The following SLC38A12 variants were observed in gnomAD, a reference collection of about 807,000 sequenced individuals.
SLC38A12 encodes putative sodium-coupled neutral amino acid transporter 12.
the SLC38A12 span, among the ~76,000 whole-genome samples, chr17:74,808,209 C>T: frequency 4.6e-5 from 7 of 152,316 alleles, no homozygotes; most frequent in African/African-American, 4.8e-5. Flanking sequence ...GCCCTGAAGG[C>T]GCCAGCCTTG....
the SLC38A12 span, among the ~76,000 whole-genome samples, chr17:74,823,432 A>G: frequency 3.2e-4 from 48 of 152,364 alleles, no homozygotes; most frequent in South Asian, 6.2e-4. Flanking sequence ...CTCTGCCCTC[A>G]TTCCCTTTAG....
chr17:74,822,094 G>A, the SLC38A12 span, among the ~76,000 whole-genome samples: 11 of 152,188 alleles, frequency 7.2e-5, no homozygotes, highest in Admixed American at 2.6e-4. Flanking sequence ...TTTGTTGAAA[G>A]GGAAAAGATT....
the SLC38A12 span, among the ~76,000 whole-genome samples, chr17:74,794,579 C>A: frequency 6.6e-6 from 1 of 152,180 alleles, no homozygotes; most frequent in African/African-American, 2.4e-5. Context: ...TTTGCTTCAA[C>A]TCTTTAGTAG....
the SLC38A12 span, among the ~76,000 whole-genome samples, chr17:74,823,832 C>T: frequency 9.8e-5 from 15 of 152,382 alleles, no homozygotes; most frequent in African/African-American, 2.6e-4. Context: ...TTGTTCCCCC[C>T]GTGTGGGACA....
the SLC38A12 span, among the ~76,000 whole-genome samples, chr17:74,816,001 T>C: frequency 6.6e-6 from 1 of 152,216 alleles, no homozygotes; most frequent in Non-Finnish European, 1.5e-5. Flanking sequence ...GCAGGGTCCC[T>C]TCCCCACATC....
the SLC38A12 span, chr17:74,835,986 C>A: frequency 6.2e-7 from 1 of 1,611,798 alleles, no homozygotes; most frequent in African/African-American, 1.3e-5. Context: ...AGGGGAGGGG[C>A]ACCCGCCCCT....
chr17:74,838,915 A>G, the SLC38A12 span: 2 of 1,535,760 alleles, frequency 1.3e-6, no homozygotes, highest in South Asian at 2.4e-5. Context: ...TGATGGGAAG[A>G]GCAGAAGAGG....
the SLC38A12 span, chr17:74,790,121 C>T: frequency 8.3e-7 from 1 of 1,197,972 alleles, no homozygotes. Flanking sequence ...ACCTGGCTAA[C>T]ATTCTGTACT....
At chr17:74,787,628 CAAA>C in the SLC38A12 span, among the ~76,000 whole-genome samples, 17 of 129,302 alleles carry the variant, frequency 1.3e-4, no homozygotes, top group African/African-American at 2.0e-4. Context: ...GACTCCGTCT[CAAA>C]AAAAAAAAAA....
At chr17:74,801,967 C>T in the SLC38A12 span, among the ~76,000 whole-genome samples, 1 of 152,118 alleles carries the variant, frequency 6.6e-6, no homozygotes, top group Non-Finnish European at 1.5e-5. Context: ...CCAGGGACAG[C>T]GTGAACCCCC....
the SLC38A12 span, chr17:74,835,786 C>G: frequency 8.2e-6 from 12 of 1,467,360 alleles, no homozygotes; most frequent in Non-Finnish European, 9.0e-6. Flanking sequence ...TTGAGCCACC[C>G]AAGAACAGGG....
chr17:74,785,042 C>T, the SLC38A12 span, among the ~76,000 whole-genome samples: 2 of 152,038 alleles, frequency 1.3e-5, no homozygotes, highest in Non-Finnish European at 2.9e-5. Flanking sequence ...AGGACAATGG[C>T]GAGGACCTTG....
the SLC38A12 span, among the ~76,000 whole-genome samples, chr17:74,794,356 A>G: frequency 6.6e-6 from 1 of 152,200 alleles, no homozygotes; most frequent in African/African-American, 2.4e-5. Context: ...TGTCAGTATC[A>G]CACACCATCC....
At chr17:74,830,861 G>A in the SLC38A12 span, among the ~76,000 whole-genome samples, 4 of 152,202 alleles carry the variant, frequency 2.6e-5, no homozygotes, top group African/African-American at 7.2e-5. Flanking sequence ...TGTGGCCCAG[G>A]TGAATCAGTG....
At chr17:74,803,580 G>C in the SLC38A12 span, among the ~76,000 whole-genome samples, 1 of 152,286 alleles carries the variant, frequency 6.6e-6, no homozygotes, top group South Asian at 2.1e-4. Flanking sequence ...ATCCCAGTCA[G>C]ACCCCGAGCC....
chr17:74,777,989 T>G, the SLC38A12 span, among the ~76,000 whole-genome samples: 4 of 152,078 alleles, frequency 2.6e-5, no homozygotes, highest in Non-Finnish European at 5.9e-5. Flanking sequence ...GAACAGTGAT[T>G]GACAGCTGTT....
the SLC38A12 span, among the ~76,000 whole-genome samples, chr17:74,812,726 T>C: frequency 6.6e-6 from 1 of 152,150 alleles, no homozygotes; most frequent in African/African-American, 2.4e-5. Flanking sequence ...CTCCCACAGG[T>C]CTCTGTGCGT....
the SLC38A12 span, among the ~76,000 whole-genome samples, chr17:74,787,450 G>A: frequency 8.0e-4 from 121 of 151,260 alleles, no homozygotes; most frequent in African/African-American, 2.7e-3. Context: ...GTGAAACCCC[G>A]TCTCTACTAA....
chr17:74,817,413 A>G, the SLC38A12 span, among the ~76,000 whole-genome samples: 1 of 152,210 alleles, frequency 6.6e-6, no homozygotes, highest in African/African-American at 2.4e-5. Flanking sequence ...AGAGTCCTTC[A>G]TTGCCAGTTC....
Sources: gnomAD v4.1 joint callset for allele counts (sites outside exome capture counted in the v4.1 genomes callset) on GRCh38, gnomAD v4.1.1 for gene constraint, MANE v1.5 for transcripts, NCBI Gene and HGNC (gene_info 2026-07-23, HGNC 2026-07-21) for gene names.